The following HMCN1 variants were observed in gnomAD, a reference collection of about 807,000 sequenced individuals.
HMCN1 encodes the protein hemicentin 1.
HMCN1 carries 321 observed loss-of-function variants against 625.9 expected under a neutral mutation model. That is an observed-to-expected ratio of 0.51 (90% CI 0.47 to 0.56). HMCN1 has a LOEUF of 0.56. Ranked by LOEUF, HMCN1 falls within the 20% of genes least tolerant of loss-of-function variation. HMCN1 has a pLI of 0.00. For missense variants in HMCN1, 6,588 were observed against 6,887.3 expected (o/e 0.96, Z 1.54); for synonymous variants, 2,425 against 2,417.6 (o/e 1.00, Z -0.09).
At chr1:185,804,457 G>A (rs1415267003) in intron 1 of HMCN1, among the ~76,000 whole-genome samples, 1 of 151,978 alleles carries the variant, frequency 6.6e-6, no homozygotes, top group African/African-American at 2.4e-5. Context: ...CTGACTAAAG[G>A]AAAAGGAAGC....
intron 91 of HMCN1, 48 bp downstream of exon 91, chr1:186,144,751 A>G: frequency 1.3e-6 from 2 of 1,594,044 alleles, no homozygotes; most frequent in Non-Finnish European, 8.6e-7. Context: ...ATAAAGTTTC[A>G]TTATGACTGT....
chr1:185,778,566 A>G (rs1272513041), intron 1 of HMCN1, among the ~76,000 whole-genome samples: 4 of 142,818 alleles, frequency 2.8e-5, no homozygotes, highest in African/African-American at 5.2e-5. Flanking sequence ...TCATTGTTCA[A>G]TTCCCACCTA....
chr1:186,001,657 A>C lies in HMCN1; in HGVS notation c.4264A>C (p.Thr1422Pro), dbSNP rs1653209430. ...GAAGATACTGAAGCTCTTCAGAGCCACTCCAGAGGATGCAGGAAGATATTC... is the reference window on the plus strand; with the variant it reads ...GAAGATACTGAAGCTCTTCAGAGCCCCTCCAGAGGATGCAGGAAGATATTC... ...NGKILKLFRA[T>P]PEDAGRYSCK... The change falls in exon 28 of 107, where the codon ACT becomes CCT. Residue 1422 changes from threonine to proline, a missense_variant. Around this residue, in one of 3 missense-constraint regions of HMCN1, gnomAD observed 4,628 missense variants for 4,853.1 expected, o/e 0.95. Transcript: ENST00000271588. 6.2e-7 allele frequency: 1 copy of C among 1,612,736 alleles called. No individual in the cohort carries two copies. The highest frequency in any genetic ancestry group is 1.7e-5 in the Admixed American group (1 of 59,908).
intron 1 of HMCN1, among the ~76,000 whole-genome samples, chr1:185,808,042 G>A (rs912081185): frequency 1.8e-4 from 27 of 152,130 alleles, no homozygotes; most frequent in Non-Finnish European, 1.9e-4. Flanking sequence ...GCAATATAGT[G>A]GGACCCCTGT....
intron 52 of HMCN1, among the ~76,000 whole-genome samples, chr1:186,071,816 A>G (rs1475834184): frequency 1.3e-5 from 2 of 152,168 alleles, no homozygotes; most frequent in Non-Finnish European, 1.5e-5. Flanking sequence ...TTCATAGTAC[A>G]ATATCAATTC....
rs1209074171 is a variant in HMCN1, at chr1:185,780,179, A to AT, written c.268+45137dup. On this transcript the variant is annotated intron_variant, in intron 1 of 106. Coordinates refer to ENST00000271588, the MANE Select transcript of HMCN1 (RefSeq NM_031935.3). ...TTATTGGTGTATAAGAATGCTTGTG[A>AT]TTTTTGTGCATTGATTTTGTATCCT... 3.3e-5 allele frequency among the ~76,000 whole-genome samples: 5 copies of AT among 152,160 alleles called. No homozygotes were observed. The East Asian group carries it at 9.6e-4, about 29-fold the overall frequency.
chr1:186,140,380 C>T (rs1467339051), intron 89 of HMCN1, among the ~76,000 whole-genome samples: 1 of 152,118 alleles, frequency 6.6e-6, no homozygotes, highest in African/African-American at 2.4e-5. Context: ...TTAGAGAAGA[C>T]AATTCAATTT....
At chr1:185,976,322 G>A (rs1426845462) in intron 15 of HMCN1, among the ~76,000 whole-genome samples, 2 of 152,148 alleles carry the variant, frequency 1.3e-5, no homozygotes, top group African/African-American at 4.8e-5. Flanking sequence ...CTTGCTTGGA[G>A]AAGAACAAGG....
rs56891910 is a variant in HMCN1, at chr1:185,865,582, TACACACACACACACACAC to T, written c.499-127_499-110del. ...TATAAAGTCAATAATTATATAAGCA[TACACACACACACACACAC>T]ACACACACACACACACACACACACA... On this transcript the variant is annotated intron_variant, in intron 3 of 106. Transcript: ENST00000271588. Among the ~76,000 whole-genome samples the T allele has an allele frequency of 2.9e-3, 386 of 135,286 alleles. 1 individual carries two copies. Among genetic ancestry groups the T allele is most frequent in the African/African-American group, 5.4e-3 (200 of 37,332 alleles). 88.8% of individuals were successfully genotyped at this position (135,286 alleles called of 152,430 possible).
chr1:186,063,719 G>A (rs1558188912), intron 48 of HMCN1, among the ~76,000 whole-genome samples: 1 of 152,004 alleles, frequency 6.6e-6, no homozygotes, highest in Non-Finnish European at 1.5e-5. Context: ...TTATTTTGTA[G>A]TGGGGATTTT....
At chr1:185,959,876 G>A (rs1649887050) in intron 11 of HMCN1, among the ~76,000 whole-genome samples, 2 of 152,046 alleles carry the variant, frequency 1.3e-5, no homozygotes, top group Non-Finnish European at 2.9e-5. Context: ...TGATGGAGTT[G>A]AACTGTGGTT....
rs1253794140 is a variant in HMCN1 at position 186,078,153 on chromosome 1, G to T, written c.8532G>T (p.Gly2844=). ...CTCGGGCTAAAGTAGAAGATGCTGG[G>T]AGATACACATGTGTGGCTGTGAATG... ...QIPRAKVEDA[G]RYTCVAVNEA... Residue 2844 remains glycine, a synonymous_variant, in exon 55 of 107, where the codon GGG becomes GGT. Transcript: ENST00000271588. 6.2e-7 allele frequency: 1 copy of T among 1,613,864 alleles called. No homozygotes were observed. Among genetic ancestry groups the T allele is most frequent in the Non-Finnish European group, 8.5e-7 (1 of 1,179,878 alleles).
rs369987886 is a variant in HMCN1, at chr1:185,866,499, G to A, written c.621+636G>A. 2.0e-3 allele frequency among the ~76,000 whole-genome samples: 296 copies of A among 149,940 alleles called. 1 individual carries two copies. In the Middle Eastern group the frequency reaches 0.024, roughly 12 times the overall value. ...AGCTCACTGCGAGCTCTGCCTCCTG[G>A]GTTCACGCCATTCTCCTGCCTCAGC... On this transcript the variant is annotated intron_variant, in intron 4 of 106. Transcript: ENST00000271588.
chr1:186,099,808 A>G (rs1406168821), intron 68 of HMCN1, among the ~76,000 whole-genome samples: 2 of 152,160 alleles, frequency 1.3e-5, no homozygotes, highest in African/African-American at 4.8e-5. Flanking sequence ...ACTGAGTGTA[A>G]GAGGAAGAGT....
At position 185,998,576 on chromosome 1, in the gene HMCN1, G is replaced by A. The variant is rs571164601; in HGVS notation, c.3874+1052G>A. On this transcript the variant is annotated intron_variant, in intron 25 of 106. Coordinates refer to ENST00000271588, the MANE Select transcript of HMCN1 (RefSeq NM_031935.3). ...ATGAGTGTTCACTCCCACTGGACCC[G>A]CTGGTGGCAGTGTTGCTTCTTGTTC... Among the ~76,000 whole-genome samples the A allele has an allele frequency of 1.2e-4, 19 of 152,182 alleles. No individual in the cohort carries two copies. The South Asian group carries it at 2.9e-3, about 23-fold the overall frequency.
chr1:186,122,633 A>G (rs1419974622), intron 80 of HMCN1, among the ~76,000 whole-genome samples: 1 of 152,246 alleles, frequency 6.6e-6, no homozygotes, highest in Non-Finnish European at 1.5e-5. Context: ...CACATAATTT[A>G]TGTAAGTTAA....
intron 1 of HMCN1, among the ~76,000 whole-genome samples, chr1:185,844,554 T>TTGA (rs1333955230): frequency 1.6e-4 from 25 of 152,352 alleles, no homozygotes; most frequent in African/African-American, 5.5e-4. Context: ...TTGAGCAGTA[T>TTGA]GTCTTTAAAG....
chr1:185,826,008 G>C (rs1189414071), intron 1 of HMCN1, among the ~76,000 whole-genome samples: 1 of 152,158 alleles, frequency 6.6e-6, no homozygotes, highest in African/African-American at 2.4e-5. Context: ...ATTTATTTGA[G>C]TGGGGTTCAG....
In HMCN1 at chr1:186,189,507, C is replaced by G. The variant is rs1182089475; in HGVS notation, c.16542-5C>G. 3 of 1,612,786 alleles carry G rather than the reference C, an allele frequency of 1.9e-6. No homozygotes were observed. In the South Asian group the frequency reaches 3.3e-5, roughly 18 times the overall value. On this transcript the variant is annotated splice_polypyrimidine_tract_variant and splice_region_variant and intron_variant, in intron 106 of 106. Transcript: ENST00000271588. ...ATGTGTATTTGATATGTTTGTTGTCCTTAGGTTCTGCCTCAAGAACTGTCC... is the reference window on the plus strand; with the variant it reads ...ATGTGTATTTGATATGTTTGTTGTCGTTAGGTTCTGCCTCAAGAACTGTCC...
Sources: gnomAD v4.1 joint callset for allele counts (sites outside exome capture counted in the v4.1 genomes callset) on GRCh38, gnomAD v4.1.1 for gene constraint, gnomAD v4.1.1 regional missense constraint, MANE v1.5 for transcripts, NCBI Gene and HGNC (gene_info 2026-07-23, HGNC 2026-07-21) for gene names.